NEUROD1: variants seen among roughly 807,000 people sequenced by gnomAD.
NEUROD1 encodes neuronal differentiation 1.
NEUROD1 carries 9 observed loss-of-function variants against 21.8 expected under a neutral mutation model. The observed-to-expected ratio is 0.41, with a 90% CI of 0.25 to 0.72. The LOEUF (loss-of-function observed/expected upper bound fraction) is 0.72, where lower values mean the gene tolerates loss of function less well. NEUROD1 is among the 30% of genes least tolerant of loss of function. The pLI, the probability that NEUROD1 is intolerant of heterozygous loss-of-function variation, is 0.31. For missense variants in NEUROD1, 434 were observed against 468.8 expected, an observed-to-expected ratio of 0.93 and a Z score of 0.69; for synonymous variants, 199 against 186.2, an observed-to-expected ratio of 1.07 and a Z score of -0.56.
In NEUROD1 at chr2:181,678,491, G is replaced by A; in HGVS notation, c.370C>T (p.Leu124=). 1 of 1,614,222 alleles carries A rather than the reference G, an allele frequency of 6.2e-7. No homozygotes were observed. The highest frequency in any genetic ancestry group is 8.5e-7 in the Non-Finnish European group (1 of 1,180,044). Residue 124 remains leucine, a synonymous_variant, in exon 2 of 2, where the codon CTG becomes TTG. Coordinates refer to ENST00000295108, the MANE Select transcript of NEUROD1 (RefSeq NM_002500.5). This position sits in a 1 kb window ranked among gnomAD's most constrained non-coding sequence, Gnocchi z 5.5. ...GAATAGCAAGGCACCACCTTGCGCA[G>A]GTTGTCTAGCGCCGCGTTCAGTCCG... ...MHGLNAALDN[L]RKVVPCYSKT... is the part of the protein sequence containing the mutation.
exon 2 of NEUROD1, among the ~76,000 whole-genome samples, chr2:181,670,729 C>T (rs1298456882): frequency 6.6e-6 from 1 of 151,992 alleles, no homozygotes; most frequent in Non-Finnish European, 1.5e-5. Context: ...ATCCTTGGGG[C>T]CCCTTGATTT....
At chr2:181,679,624 TC>T in intron 1 of NEUROD1, among the ~76,000 whole-genome samples, 1 of 152,356 alleles carries the variant, frequency 6.6e-6, no homozygotes, top group South Asian at 2.1e-4. Flanking sequence ...CAGAGCGCTC[TC>T]CCACGCGCCG....
At position 181,677,053 on chromosome 2, in the gene NEUROD1, GTTT is replaced by G. The variant is rs2105592941; in HGVS notation, c.*734_*736del. The G allele has an allele frequency of 7.2e-6, 1 of 138,314 alleles. No homozygotes were observed. The highest frequency in any genetic ancestry group is 2.6e-5 in the African/African-American group (1 of 38,082). 8.6% of individuals were successfully genotyped at this position (138,314 alleles called of 1,614,324 possible). A position where few individuals can be genotyped will look rare whatever the true frequency, so the allele number is the denominator to read the frequency against. Reference sequence around the variant, plus strand: ...TCTTCTCTTGAAAATTATGATTCTGGTTTTTATTTTAGGGAGACGGAAAGACTT... The same window carrying G: ...TCTTCTCTTGAAAATTATGATTCTGGTTATTTTAGGGAGACGGAAAGACTT... On this transcript the variant is annotated 3_prime_UTR_variant, in exon 2 of 2. Coordinates refer to ENST00000295108, the MANE Select transcript of NEUROD1 (RefSeq NM_002500.5).
chr2:181,677,903 C>G lies in NEUROD1; in HGVS notation c.958G>C (p.Gly320Arg). The change falls in exon 2 of 2, where the codon GGC becomes CGC. Residue 320 changes from glycine to arginine, a missense_variant. By Grantham distance (125) the Gly-to-Arg change is moderately radical. Coordinates refer to ENST00000295108, the MANE Select transcript of NEUROD1 (RefSeq NM_002500.5). ...GAQSHGSIFS[G>R]TAAPRCEIPI... is the part of the protein sequence containing the mutation. ...ATCTCGCAGCGAGGGGCAGCGGTGC[C>G]TGAGAAGATTGATCCGTGGCTTTGG... 8.1e-6 allele frequency: 13 copies of G among 1,614,172 alleles called. No homozygotes were observed. The highest frequency in any genetic ancestry group is 1.1e-5 in the Non-Finnish European group (13 of 1,180,028).
At chr2:181,670,244 T>G, downstream of NEUROD1, among the ~76,000 whole-genome samples, 1 of 152,202 alleles carries the variant, frequency 6.6e-6, no homozygotes, top group East Asian at 1.9e-4. Flanking sequence ...AAATTACCCA[T>G]AGTTTATTGG....
At position 181,677,823 on chromosome 2, in the gene NEUROD1, C is replaced by T. The variant is rs746591955; in HGVS notation, c.1038G>A (p.Met346Ile). 3 of 1,613,984 alleles carry T rather than the reference C, an allele frequency of 1.9e-6. No individual in the cohort carries two copies. Among genetic ancestry groups the T allele is most frequent in the South Asian group, 1.1e-5 (1 of 91,074 alleles). Residue 346 changes from methionine to isoleucine, a missense_variant, in exon 2 of 2, where the codon ATG (methionine) becomes ATA (isoleucine). By Grantham distance (10) the Met-to-Ile change is conservative. Transcript: ENST00000295108. ...GAAATATGGCATTGAGCTGGGCACTCATGACTCGCTCATGATGTGAATGGC... is the reference window on the plus strand; with the variant it reads ...GAAATATGGCATTGAGCTGGGCACTTATGACTCGCTCATGATGTGAATGGC... ...FDSHSHHERVMSAQLNAIFHD is the reference protein window; with the variant it reads ...FDSHSHHERVISAQLNAIFHD
chr2:181,679,486 A>G (rs540858906), intron 1 of NEUROD1, among the ~76,000 whole-genome samples: 1 of 152,258 alleles, frequency 6.6e-6, no homozygotes, highest in Non-Finnish European at 1.5e-5. Context: ...AACATTTGGC[A>G]ACAAAAGTGG....
At chr2:181,674,045 A>T (rs1688531544), downstream of NEUROD1, among the ~76,000 whole-genome samples, 1 of 152,184 alleles carries the variant, frequency 6.6e-6, no homozygotes, top group African/African-American at 2.4e-5. Flanking sequence ...CATACTATAT[A>T]GCTGCAATTG....
downstream of NEUROD1, among the ~76,000 whole-genome samples, chr2:181,673,910 A>G (rs1198720220): frequency 6.6e-6 from 1 of 152,132 alleles, no homozygotes; most frequent in African/African-American, 2.4e-5. Context: ...TAGAACACAA[A>G]ATTTATTTCA....
In NEUROD1 at chr2:181,677,731, C is replaced by T; in HGVS notation, c.*59G>A. 6.2e-7 allele frequency: 1 copy of T among 1,612,990 alleles called. No individual in the cohort carries two copies. The highest frequency in any genetic ancestry group is 1.1e-5 in the South Asian group (1 of 90,836). On this transcript the variant is annotated 3_prime_UTR_variant, in exon 2 of 2. Transcript: ENST00000295108. ...CCCAAAGGGCTGCCTTTTGTAAACA[C>T]GACAGTCACTGTAAGCACAGTGGGT...
chr2:181,680,070 T>C (rs1574090063), intron 1 of NEUROD1, among the ~76,000 whole-genome samples: 1 of 152,166 alleles, frequency 6.6e-6, no homozygotes, highest in Non-Finnish European at 1.5e-5. Context: ...ATTGATAACA[T>C]AGATTTTTTT....
Position 181,677,576 on chromosome 2 carries a change from A to G in NEUROD1, c.*214T>C, listed in dbSNP as rs1410092767. On this transcript the variant is annotated 3_prime_UTR_variant, in exon 2 of 2. Coordinates refer to ENST00000295108, the MANE Select transcript of NEUROD1 (RefSeq NM_002500.5). ...TACTGTATTTTTTTATTTTTTAAAT[A>G]GAAGAGCTATAGAAAATAATACATA... The G allele has an allele frequency of 3.9e-6, 3 of 767,816 alleles. No individual in the cohort carries two copies. Among genetic ancestry groups the G allele is most frequent in the Non-Finnish European group, 4.0e-6 (2 of 494,258 alleles). 47.6% of individuals were successfully genotyped at this position (767,816 alleles called of 1,614,324 possible).
intron 1 of NEUROD1, among the ~76,000 whole-genome samples, chr2:181,679,428 C>A (rs1370131120): frequency 6.6e-6 from 1 of 152,190 alleles, no homozygotes; most frequent in East Asian, 1.9e-4. Flanking sequence ...AAAGCAAATG[C>A]AGAAAGGAGG....
At chr2:181,668,927 G>A (rs374179680), downstream of NEUROD1, among the ~76,000 whole-genome samples, 1 of 152,046 alleles carries the variant, frequency 6.6e-6, no homozygotes, top group East Asian at 1.9e-4. Flanking sequence ...TAGTCAGAAG[G>A]TCAACATGCC....
chr2:181,677,146 T>TTTTA lies in NEUROD1; in HGVS notation c.*643_*644insTAAA. On this transcript the variant is annotated 3_prime_UTR_variant, in exon 2 of 2. Transcript: ENST00000295108. ...TTTTTTTTTTTTTTTTTTTTTTTTT[T>TTTTA]ACAATTGGAGAGGAAAGAAGTGCTA... The TTTTA allele has an allele frequency of 7.6e-6, 1 of 131,758 alleles. No individual in the cohort carries two copies. Among genetic ancestry groups the TTTTA allele is most frequent in the Non-Finnish European group, 1.6e-5 (1 of 63,888 alleles). The allele number at this position is 131,758 out of a possible 1,614,324, so 8.2% of individuals were successfully genotyped here. A position where few individuals can be genotyped will look rare whatever the true frequency, so the allele number is the denominator to read the frequency against.
rs766539353 is a variant in NEUROD1 at position 181,678,691 on chromosome 2, C to G, written c.170G>C (p.Gly57Ala). The G allele has an allele frequency of 6.2e-7, 1 of 1,611,524 alleles. No homozygotes were observed. Among genetic ancestry groups the G allele is most frequent in the Non-Finnish European group, 8.5e-7 (1 of 1,178,566 alleles). ...NAEEDSLRNG[G>A]EEEDEDEDLE... Reference sequence around the variant, plus strand: ...GTCCTCATCTTCGTCCTCCTCCTCTCCCCCGTTCCTCAGTGAGTCCTCCTC... The same window carrying G: ...GTCCTCATCTTCGTCCTCCTCCTCTGCCCCGTTCCTCAGTGAGTCCTCCTC... Residue 57 changes from glycine to alanine, a missense_variant, in exon 2 of 2, where the codon GGA becomes GCA. Transcript: ENST00000295108. This position sits in a 1 kb window ranked among gnomAD's most constrained non-coding sequence, Gnocchi z 5.5.
At chr2:181,675,488 G>C (rs752598595), downstream of NEUROD1, among the ~76,000 whole-genome samples, 1 of 152,140 alleles carries the variant, frequency 6.6e-6, no homozygotes, top group South Asian at 2.1e-4. Flanking sequence ...GGGAAGGGGG[G>C]TAGTCATCCA....
rs1012070683 is a variant in NEUROD1 at position 181,677,469 on chromosome 2, C to T, written c.*321G>A. 2.1e-5 allele frequency: 5 copies of T among 238,802 alleles called. No homozygotes were observed. Among genetic ancestry groups the T allele is most frequent in the Non-Finnish European group, 4.1e-5 (5 of 121,046 alleles). 14.8% of individuals were successfully genotyped at this position (238,802 alleles called of 1,614,324 possible). A position where few individuals can be genotyped will look rare whatever the true frequency, so the allele number is the denominator to read the frequency against. On this transcript the variant is annotated 3_prime_UTR_variant, in exon 2 of 2. Transcript: ENST00000295108. ...AAAATTGCATAGATCCTAATTATTGCTTGTGATTTTGTTATCCCGATCAGA... is the reference window on the plus strand; with the variant it reads ...AAAATTGCATAGATCCTAATTATTGTTTGTGATTTTGTTATCCCGATCAGA...
chr2:181,672,014 T>TA (rs1226940555), downstream of NEUROD1, among the ~76,000 whole-genome samples: 1 of 152,164 alleles, frequency 6.6e-6, no homozygotes, highest in East Asian at 1.9e-4. Flanking sequence ...TGAGCTACAG[T>TA]AATTTTACAT....
Sources: gnomAD v4.1 joint callset for allele counts (sites outside exome capture counted in the v4.1 genomes callset) on GRCh38, gnomAD v4.1.1 for gene constraint, Gnocchi (gnomAD v3.1) non-coding constraint, MANE v1.5 for transcripts, NCBI Gene and HGNC (gene_info 2026-07-23, HGNC 2026-07-21) for gene names.